The following UNC13A variants were observed in gnomAD, a reference collection of about 807,000 sequenced individuals.
UNC13A encodes protein unc-13 homolog A.
Under a neutral mutation model 219.7 loss-of-function variants are expected in UNC13A, and 61 were observed. The observed-to-expected ratio is 0.28, with a 90% CI of 0.23 to 0.34. The LOEUF (loss-of-function observed/expected upper bound fraction) is 0.34, where lower values mean the gene tolerates loss of function less well. Ranked by LOEUF, UNC13A falls within the 10% of genes least tolerant of loss-of-function variation. The pLI is 1.00. For synonymous variants in UNC13A, 920 were observed against 884.6 expected (o/e 1.04, Z -0.71); for missense variants, 1,476 against 2,270.3 (o/e 0.65, Z 7.11).
At chr19:17,679,207 C>T (rs568064252) in intron 1 of UNC13A, among the ~76,000 whole-genome samples, 1 of 151,998 alleles carries the variant, frequency 6.6e-6, no homozygotes, top group East Asian at 1.9e-4. Flanking sequence ...CGAGACCAGC[C>T]TGGGCAACAT....
At chr19:17,622,976 G>C (rs2076744503) in intron 36 of UNC13A, 1 of 152,464 alleles carries the variant, frequency 6.6e-6, no homozygotes, top group Admixed American at 6.5e-5. Flanking sequence ...TCTCCCACTT[G>C]GGCACCTGGG....
chr19:17,669,874 T>C (rs12986058), intron 4 of UNC13A, among the ~76,000 whole-genome samples, 198 bp from the exon 5 acceptor site: 44,000 of 145,650 alleles, frequency 0.3, 7,805 homozygotes, highest in East Asian at 0.53. Context: ...CCTTTCTTTC[T>C]TTCCCTTCCT....
chr19:17,643,262 T>C (rs2076989882), intron 19 of UNC13A, among the ~76,000 whole-genome samples: 1 of 151,912 alleles, frequency 6.6e-6, no homozygotes, highest in Non-Finnish European at 1.5e-5. Flanking sequence ...TCCACCTACC[T>C]CAGCCTCCCA....
chr19:17,669,485 C>T, intron 5 of UNC13A, 68 bp downstream of exon 5: 1 of 1,577,286 alleles, frequency 6.3e-7, no homozygotes, highest in Non-Finnish European at 8.6e-7. Context: ...GTTCACTCTC[C>T]TGGAATAGCT....
intron 4 of UNC13A, 118 bp from the exon 5 acceptor site, chr19:17,669,794 C>G: frequency 1.7e-6 from 2 of 1,151,354 alleles, no homozygotes; most frequent in South Asian, 3.6e-5. Flanking sequence ...AGTCATGTCC[C>G]CTCTCTATCT....
intron 26 of UNC13A, among the ~76,000 whole-genome samples, chr19:17,635,117 C>T (rs1016806699): frequency 6.6e-6 from 1 of 152,110 alleles, no homozygotes; most frequent in Admixed American, 6.5e-5. Flanking sequence ...CCGCCTGCCT[C>T]GGCCTCCCAA....
rs140407773 is a variant in UNC13A, at chr19:17,634,756, C to T, written c.3215+1268G>A. ...GTCACCCCAGGCTGGAGTGCAGTGG[C>T]GCAATCTCGACTCACTGCAACCTCT... On this transcript the variant is annotated intron_variant, in intron 26 of 43. Coordinates refer to ENST00000519716, the MANE Select transcript of UNC13A (RefSeq NM_001080421.3). Among the ~76,000 whole-genome samples the T allele has an allele frequency of 4.2e-4, 64 of 152,024 alleles. 1 individual carries two copies. In the East Asian group the frequency reaches 8.3e-3, roughly 20 times the overall value.
rs1435745624 is a variant in UNC13A, at chr19:17,655,848, G to A, written c.1283+35C>T. 7 of 1,482,502 alleles carry A rather than the reference G, an allele frequency of 4.7e-6. No homozygotes were observed. The East Asian group carries it at 1.6e-4, about 35-fold the overall frequency. 91.8% of individuals were successfully genotyped at this position (1,482,502 alleles called of 1,614,324 possible). ...GCCCTGCTGACCCTGTGACCTTGTGGCAGCCCCTCTGGCCCCTTGGCCCCG... is the reference window on the plus strand; with the variant it reads ...GCCCTGCTGACCCTGTGACCTTGTGACAGCCCCTCTGGCCCCTTGGCCCCG... On this transcript the variant is annotated intron_variant, in intron 10 of 43. Coordinates refer to ENST00000519716, the MANE Select transcript of UNC13A (RefSeq NM_001080421.3).
rs552052890 is a variant in UNC13A at position 17,668,128 on chromosome 19, C to A, written c.457G>T (p.Asp153Tyr). ...ACCCCAACACTCACTTCATCCTGGT[C>A]CCGCATAGCATTGAGCTGCTCCAGC... The part of the protein sequence containing the change: ...KKLEQLNAMR[D>Y]QDEYSFQDEQ... The change falls in exon 6 of 44, where the codon GAC becomes TAC. Residue 153 changes from aspartate (D) to tyrosine (Y), a missense_variant. Around this residue, in one of 14 missense-constraint regions of UNC13A, gnomAD observed 203 missense variants for 301.6 expected, o/e 0.67. Transcript: ENST00000519716. 5.1e-4 allele frequency: 820 copies of A among 1,613,786 alleles called. 6 individuals carry two copies. The South Asian group carries it at 8.7e-3, about 17-fold the overall frequency.
intron 31 of UNC13A, chr19:17,628,307 A>AGT: frequency 4.5e-6 from 1 of 221,954 alleles, no homozygotes; most frequent in Non-Finnish European, 8.9e-6. Context: ...TGACACACTG[A>AGT]AGGCGTGTGC....
At chr19:17,641,687 T>TTTTTTTTTTTTTTTGAGA in intron 20 of UNC13A, 131 bp from the exon 21 acceptor site, 2 of 956,058 alleles carry the variant, frequency 2.1e-6, no homozygotes, top group Non-Finnish European at 3.1e-6. Flanking sequence ...TACTCTTTTA[T>TTTTTTTTTTTTTTTGAGA]CCATCCACAC....
At chr19:17,640,104 A>C (rs2076952968) in intron 22 of UNC13A, among the ~76,000 whole-genome samples, 196 bp from the exon 23 acceptor site, 1 of 151,500 alleles carries the variant, frequency 6.6e-6, no homozygotes, top group African/African-American at 2.4e-5. Flanking sequence ...GCGCAGTCTC[A>C]GCTCACTGCA....
intron 22 of UNC13A, among the ~76,000 whole-genome samples, 175 bp downstream of exon 22, chr19:17,640,336 A>G (rs8111424): frequency 0.6 from 91,797 of 152,012 alleles, 28,309 homozygotes; most frequent in East Asian, 0.75. Context: ...ACTGCGCCCG[A>G]CCTCCATTCT....
At chr19:17,639,786 C>T (rs2076948548) in intron 23 of UNC13A, 54 bp downstream of exon 23, 4 of 1,598,726 alleles carry the variant, frequency 2.5e-6, no homozygotes, top group Admixed American at 3.3e-5. Flanking sequence ...GCTTTCCCCT[C>T]CAGGCACACA....
chr19:17,621,203 C>T (rs2076726439), intron 37 of UNC13A, among the ~76,000 whole-genome samples: 1 of 152,166 alleles, frequency 6.6e-6, no homozygotes, highest in Non-Finnish European at 1.5e-5. Flanking sequence ...AATTATATCA[C>T]ACACAAAAAC....
chr19:17,667,120 G>A (rs10423577), intron 6 of UNC13A, among the ~76,000 whole-genome samples: 126,772 of 151,706 alleles, frequency 0.84, 53,690 homozygotes, highest in Middle Eastern at 0.92. Context: ...GTATGGTGGC[G>A]CATGCCTGTA....
At chr19:17,607,856 C>T (rs1046548788) in intron 43 of UNC13A, among the ~76,000 whole-genome samples, 3 of 148,926 alleles carry the variant, frequency 2.0e-5, no homozygotes, top group Non-Finnish European at 3.0e-5. Context: ...CACCACCATC[C>T]ATCTACCCCC....
chr19:17,602,317 CTG>C lies in UNC13A; in HGVS notation c.*3735_*3736del, dbSNP rs1466997921. On this transcript the variant is annotated 3_prime_UTR_variant, in exon 44 of 44. Coordinates refer to ENST00000519716, the MANE Select transcript of UNC13A (RefSeq NM_001080421.3). ...TCCACCTCTATGTCTCTCTCCATCT[CTG>C]TCTCTCTCCGTCCTCATCGGGGCGT... The C allele has an allele frequency of 1.3e-5, 2 of 152,452 alleles. No individual in the cohort carries two copies. The highest frequency in any genetic ancestry group is 4.8e-5 in the African/African-American group (2 of 41,424). 9.4% of individuals were successfully genotyped at this position (152,452 alleles called of 1,614,324 possible). A position where few individuals can be genotyped will look rare whatever the true frequency, so the allele number is the denominator to read the frequency against.
intron 6 of UNC13A, 134 bp downstream of exon 6, chr19:17,667,983 C>G: frequency 7.0e-6 from 6 of 859,924 alleles, no homozygotes; most frequent in Non-Finnish European, 7.1e-6. Flanking sequence ...TGGATGCAGT[C>G]AGGTTACAAA....
Sources: gnomAD v4.1 joint callset for allele counts (sites outside exome capture counted in the v4.1 genomes callset) on GRCh38, gnomAD v4.1.1 for gene constraint, gnomAD v4.1.1 regional missense constraint, MANE v1.5 for transcripts, NCBI Gene and HGNC (gene_info 2026-07-23, HGNC 2026-07-21) for gene names.